The following MEGF11 variants were observed in gnomAD, a reference collection of about 807,000 sequenced individuals.
MEGF11 encodes the protein multiple epidermal growth factor-like domains protein 11.
MEGF11 carries 126 observed loss-of-function variants against 146.6 expected under a neutral mutation model. The observed-to-expected ratio is 0.86, with a 90% confidence interval of 0.74 to 1.00. MEGF11 has a LOEUF of 1.00. Among genes scored for constraint, MEGF11 ranks in the 50% least tolerant of loss-of-function variants. The probability of loss-of-function intolerance (pLI) is 0.00; values close to 1 mark genes in which losing one functional copy is unlikely to be tolerated. For synonymous variants in MEGF11, 532 were observed against 583.4 expected (o/e 0.91, Z 1.27); for missense variants, 1,509 against 1,521.2 (o/e 0.99, Z 0.13).
chr15:66,086,816 C>T (rs184806600), intron 5 of MEGF11, among the ~76,000 whole-genome samples: 188 of 152,282 alleles, frequency 1.2e-3, no homozygotes, highest in African/African-American at 4.3e-3. Context: ...ATGAATGCAA[C>T]GGTACCTCAC....
chr15:66,154,323 G>C (rs759132829), intron 1 of MEGF11, among the ~76,000 whole-genome samples: 52 of 152,212 alleles, frequency 3.4e-4, no homozygotes, highest in Non-Finnish European at 6.0e-4. Flanking sequence ...CCATTCTGCT[G>C]TACTGAAGTC....
intron 1 of MEGF11, among the ~76,000 whole-genome samples, chr15:66,148,900 G>C (rs16949561): frequency 0.045 from 6,889 of 152,286 alleles, 526 homozygotes; most frequent in African/African-American, 0.16. Context: ...GCTGATTCCT[G>C]GACATGGCTC....
intron 5 of MEGF11, among the ~76,000 whole-genome samples, chr15:66,069,931 T>C (rs2085294769): frequency 6.6e-6 from 1 of 152,222 alleles, no homozygotes; most frequent in Non-Finnish European, 1.5e-5. Context: ...AATAAAACTT[T>C]ATTTATAAAA....
chr15:66,218,245 A>C (rs191182010), intron 1 of MEGF11, among the ~76,000 whole-genome samples: 108 of 152,326 alleles, frequency 7.1e-4, no homozygotes, highest in African/African-American at 2.4e-3. Context: ...GAACAAAATG[A>C]AAGCTAACTG....
intron 5 of MEGF11, among the ~76,000 whole-genome samples, chr15:66,089,077 C>T (rs368086327): frequency 8.5e-5 from 13 of 152,318 alleles, no homozygotes; most frequent in African/African-American, 2.9e-4. Context: ...TTAAGGGTCC[C>T]GAGCTAGTTT....
chr15:66,165,360 G>A (rs1054194882), intron 1 of MEGF11, among the ~76,000 whole-genome samples: 2 of 152,178 alleles, frequency 1.3e-5, no homozygotes, highest in Non-Finnish European at 2.9e-5. Context: ...TACACATGAA[G>A]TCCCTGATAT....
chr15:65,928,867 T>C (rs577717244), intron 12 of MEGF11, among the ~76,000 whole-genome samples: 140 of 152,286 alleles, frequency 9.2e-4, no homozygotes, highest in African/African-American at 3.3e-3. Flanking sequence ...TAACTAAAAC[T>C]GTAAATGAAA....
At chr15:65,969,453 G>A (rs774279672) in intron 8 of MEGF11, among the ~76,000 whole-genome samples, 3 of 152,156 alleles carry the variant, frequency 2.0e-5, no homozygotes, top group Non-Finnish European at 2.9e-5. Flanking sequence ...CACACCCCAC[G>A]TTCTATGCTG....
rs1465152643 is a variant in MEGF11, at chr15:65,919,683, T to G, written c.1958-1589A>C. Among the ~76,000 whole-genome samples the G allele has an allele frequency of 3.3e-5, 5 of 152,172 alleles. No individual in the cohort carries two copies. The East Asian group carries it at 9.6e-4, about 29-fold the overall frequency. On this transcript the variant is annotated intron_variant, in intron 15 of 25. Coordinates refer to ENST00000395614, the MANE Select transcript of MEGF11 (RefSeq NM_001385028.1). ...TCTCGCTACGTTGCCCAGGCCGGAGTGCAGTGGTGCAATCTCGGCTTACTG... is the reference window on the plus strand; with the variant it reads ...TCTCGCTACGTTGCCCAGGCCGGAGGGCAGTGGTGCAATCTCGGCTTACTG...
chr15:66,219,764 C>A (rs1477235116), intron 1 of MEGF11, among the ~76,000 whole-genome samples: 1 of 151,952 alleles, frequency 6.6e-6, no homozygotes, highest in African/African-American at 2.4e-5. Context: ...AGCATTTATC[C>A]CAGAGATAAT....
chr15:65,973,351 G>A (rs572817009), intron 7 of MEGF11, among the ~76,000 whole-genome samples: 1 of 152,340 alleles, frequency 6.6e-6, no homozygotes, highest in Admixed American at 6.5e-5. Context: ...AAAAACTGGA[G>A]AGACTTCTAA....
chr15:65,982,614 G>C lies in MEGF11; in HGVS notation c.395-126C>G. The C allele has an allele frequency of 8.5e-7, 1 of 1,177,806 alleles. No individual in the cohort carries two copies. The highest frequency in any genetic ancestry group is 2.9e-5 in the East Asian group (1 of 34,350). The allele number at this position is 1,177,806 out of a possible 1,614,324, so 73.0% of individuals were successfully genotyped here. A position where few individuals can be genotyped will look rare whatever the true frequency, so the allele number is the denominator to read the frequency against. ...CTGCTCCCCGGACAGGTGGCAGCAA[G>C]GGGTGCCTGGAAGCTTTGGTGCCTC... On this transcript the variant is annotated intron_variant, in intron 5 of 25. Transcript: ENST00000395614. The surrounding 1 kb of genome is among the most constrained non-coding windows in gnomAD (Gnocchi z 5.6).
At chr15:66,057,426 A>G (rs12594476) in intron 5 of MEGF11, among the ~76,000 whole-genome samples, 3 of 152,000 alleles carry the variant, frequency 2.0e-5, no homozygotes, top group African/African-American at 7.2e-5. Context: ...CTGTTTTGCA[A>G]CTTCCTTGAG....
chr15:66,187,310 T>A lies in MEGF11; in HGVS notation c.-8-58899A>T, dbSNP rs544038451. Among the ~76,000 whole-genome samples the A allele has an allele frequency of 2.0e-5, 3 of 152,348 alleles. No individual in the cohort carries two copies. In the South Asian group the frequency reaches 6.2e-4, roughly 32 times the overall value. On this transcript the variant is annotated intron_variant, in intron 1 of 25. Transcript: ENST00000395614. Reference sequence around the variant, plus strand: ...TCCTTTGTTCCCCCATCCCTCTCTCTGTGAAAGGACAGAAAGAGCAGGCCT... The same window carrying A: ...TCCTTTGTTCCCCCATCCCTCTCTCAGTGAAAGGACAGAAAGAGCAGGCCT...
intron 1 of MEGF11, among the ~76,000 whole-genome samples, chr15:66,222,811 T>C (rs144179538): frequency 0.014 from 2,168 of 152,344 alleles, 19 homozygotes; most frequent in Admixed American, 0.021. Context: ...CCCACTAGGA[T>C]GGTTACAATC....
At chr15:66,088,147 A>C (rs564621814) in intron 5 of MEGF11, among the ~76,000 whole-genome samples, 1 of 152,356 alleles carries the variant, frequency 6.6e-6, no homozygotes, top group African/African-American at 2.4e-5. Flanking sequence ...TACCCTGAAC[A>C]GACAAATAAC....
intron 1 of MEGF11, among the ~76,000 whole-genome samples, chr15:66,138,443 T>C (rs2088993580): frequency 6.6e-6 from 1 of 152,208 alleles, no homozygotes; most frequent in African/African-American, 2.4e-5. Flanking sequence ...AAGCACGATT[T>C]TGTCAGCTGT....
chr15:66,220,774 T>A (rs112147705), intron 1 of MEGF11, among the ~76,000 whole-genome samples: 4,714 of 152,206 alleles, frequency 0.031, 229 homozygotes, highest in African/African-American at 0.11. Context: ...TGGGCTCAAG[T>A]GATCCTCCTG....
In MEGF11 at chr15:65,924,088, G is replaced by A. The variant is rs529924187; in HGVS notation, c.1676-1119C>T. ...GAAAGGAGAAAGACACTCATGCCCA[G>A]TGAACAGAGCCAGCCCTACCAGCAG... On this transcript the variant is annotated intron_variant, in intron 13 of 25. Transcript: ENST00000395614. 3.3e-5 allele frequency among the ~76,000 whole-genome samples: 5 copies of A among 151,908 alleles called. No individual in the cohort carries two copies. In the East Asian group the frequency reaches 7.7e-4, roughly 23 times the overall value.
Sources: gnomAD v4.1 joint callset for allele counts (sites outside exome capture counted in the v4.1 genomes callset) on GRCh38, gnomAD v4.1.1 for gene constraint, Gnocchi (gnomAD v3.1) non-coding constraint, MANE v1.5 for transcripts, NCBI Gene and HGNC (gene_info 2026-07-23, HGNC 2026-07-21) for gene names.